Variants in SLC8A3 observed in about 807,000 individuals in gnomAD.
The protein encoded by SLC8A3 is sodium/calcium exchanger 3.
In SLC8A3, 37 loss-of-function variants were observed where a neutral mutation model predicts 65.4. The observed-to-expected ratio is 0.57, with a 90% CI of 0.44 to 0.74. The LOEUF (loss-of-function observed/expected upper bound fraction) is 0.74. Among genes scored for constraint, SLC8A3 ranks in the 30% least tolerant of loss-of-function variants. The probability of loss-of-function intolerance (pLI) is 0.00; values close to 1 mark genes in which losing one functional copy is unlikely to be tolerated. For missense variants in SLC8A3, 1,112 were observed against 1,172.1 expected, an observed-to-expected ratio of 0.95 and a Z score of 0.75; for synonymous variants, 461 against 444.5, an observed-to-expected ratio of 1.04 and a Z score of -0.47.
chr14:70,060,617 A>T (rs758872030), intron 3 of SLC8A3: 38 of 692,862 alleles, frequency 5.5e-5, no homozygotes, highest in Non-Finnish European at 9.4e-5. Context: ...GAATAAGCTA[A>T]GGCTAAGAAG....
intron 2 of SLC8A3, among the ~76,000 whole-genome samples, chr14:70,069,980 G>A (rs569972720): frequency 6.6e-6 from 1 of 152,240 alleles, no homozygotes; most frequent in South Asian, 2.1e-4. Context: ...TGGAGAAGTC[G>A]CTCTGACTCT....
intron 2 of SLC8A3, among the ~76,000 whole-genome samples, chr14:70,078,386 G>A (rs1284563435): frequency 6.6e-6 from 1 of 152,170 alleles, no homozygotes; most frequent in Non-Finnish European, 1.5e-5. Flanking sequence ...TTTGATATCA[G>A]CACTATTTGT....
intron 2 of SLC8A3, among the ~76,000 whole-genome samples, chr14:70,132,604 G>A (rs549221790): frequency 1.6e-4 from 25 of 152,146 alleles, no homozygotes; most frequent in Admixed American, 3.3e-4. Context: ...TGGATGAAAC[G>A]GGAAATCTTT....
intron 2 of SLC8A3, among the ~76,000 whole-genome samples, chr14:70,164,565 C>T (rs7142757): frequency 0.27 from 40,526 of 151,918 alleles, 6,028 homozygotes; most frequent in East Asian, 0.48. Flanking sequence ...AAACTGAAAA[C>T]GCAAATAAGT....
At chr14:70,079,745 T>G (rs1890879742) in intron 2 of SLC8A3, among the ~76,000 whole-genome samples, 2 of 152,126 alleles carry the variant, frequency 1.3e-5, no homozygotes, top group Admixed American at 6.6e-5. Flanking sequence ...GATAGAAGCC[T>G]TATATTTGGC....
intron 2 of SLC8A3, among the ~76,000 whole-genome samples, chr14:70,099,188 G>A (rs1040742220): frequency 2.0e-5 from 3 of 152,118 alleles, no homozygotes; most frequent in Non-Finnish European, 4.4e-5. Context: ...TGGTTAAAAA[G>A]CGGGGTCAGC....
intron 3 of SLC8A3, chr14:70,060,559 G>A (rs193221262): frequency 1.8e-6 from 1 of 561,254 alleles, no homozygotes; most frequent in African/African-American, 1.9e-5. Flanking sequence ...AGGGTAATGA[G>A]GAGTTGAGGC....
chr14:70,132,436 A>G (rs908109676), intron 2 of SLC8A3, among the ~76,000 whole-genome samples: 2 of 152,224 alleles, frequency 1.3e-5, no homozygotes, highest in African/African-American at 4.8e-5. Flanking sequence ...AAACCTGTTT[A>G]CCAAGCACAC....
intron 2 of SLC8A3, among the ~76,000 whole-genome samples, chr14:70,143,584 A>T (rs1209553997): frequency 6.6e-6 from 1 of 152,026 alleles, no homozygotes. Context: ...AATGAAATCC[A>T]ACTCTCTGGA....
intron 2 of SLC8A3, among the ~76,000 whole-genome samples, chr14:70,065,450 T>G (rs1157144891): frequency 6.6e-6 from 1 of 152,140 alleles, no homozygotes; most frequent in Non-Finnish European, 1.5e-5. Flanking sequence ...CCCGTGGCTC[T>G]TCAACTTGTG....
intron 2 of SLC8A3, among the ~76,000 whole-genome samples, chr14:70,111,448 G>A (rs1473561292): frequency 1.3e-5 from 2 of 152,214 alleles, no homozygotes; most frequent in African/African-American, 4.8e-5. Flanking sequence ...CAAGGGCCAT[G>A]TTGAATTTGA....
Position 70,050,522 on chromosome 14 carries a change from C to T in SLC8A3, c.2113+486G>A, listed in dbSNP as rs569405714. On this transcript the variant is annotated intron_variant, in intron 5 of 6. Transcript: ENST00000356921. ...ACTGAGGGAGCCTGTCAGTAAATGC[C>T]GAGGGAGGGGTATGGAATCATCCAG... Among the ~76,000 whole-genome samples, 106 of 152,168 alleles carry T rather than the reference C, an allele frequency of 7.0e-4. 2 individuals carry two copies. In the South Asian group the frequency reaches 0.014, roughly 19 times the overall value.
At chr14:70,127,786 C>T (rs534185261) in intron 2 of SLC8A3, among the ~76,000 whole-genome samples, 10 of 152,208 alleles carry the variant, frequency 6.6e-5, no homozygotes, top group African/African-American at 2.2e-4. Context: ...TGGTTTGTGC[C>T]CAGGTCTGAA....
rs78557896 is a variant in SLC8A3 at position 70,172,332 on chromosome 14, T to A, written c.-62-3848A>T. ...GGGAAACTGAGTCTTACCTAAGTCA[T>A]TTACTCAAAGTACAAAGGAAATAGT... On this transcript the variant is annotated intron_variant, in intron 1 of 6. Coordinates refer to ENST00000356921, the MANE Select transcript of SLC8A3 (RefSeq NM_182932.3). Among the ~76,000 whole-genome samples, 24 of 152,338 alleles carry A rather than the reference T, an allele frequency of 1.6e-4. No individual in the cohort carries two copies. In the East Asian group the frequency reaches 4.6e-3, roughly 29 times the overall value.
Position 70,162,027 on chromosome 14 carries a change from A to T in SLC8A3, c.1784+4612T>A, listed in dbSNP as rs563150994. Among the ~76,000 whole-genome samples the T allele has an allele frequency of 1.5e-4, 22 of 148,430 alleles. 1 individual carries two copies. The highest frequency in any genetic ancestry group is 4.7e-4 in the African/African-American group (19 of 40,318). ...CAATTCAGATAGAGAAAGACTTTTT[A>T]AAAAATTTCCGTGGGCTATTTTCCT... On this transcript the variant is annotated intron_variant, in intron 2 of 6. Coordinates refer to ENST00000356921, the MANE Select transcript of SLC8A3 (RefSeq NM_182932.3).
intron 2 of SLC8A3, among the ~76,000 whole-genome samples, chr14:70,085,204 T>C (rs1164169162): frequency 6.6e-6 from 1 of 152,180 alleles, no homozygotes; most frequent in Non-Finnish European, 1.5e-5. Context: ...GGAAATTTCT[T>C]CTGAGCACTG....
chr14:70,097,598 G>A (rs1336637874), intron 2 of SLC8A3, among the ~76,000 whole-genome samples: 1 of 152,160 alleles, frequency 6.6e-6, no homozygotes, highest in Admixed American at 6.5e-5. Context: ...CATAGAATTA[G>A]GGAAAATGAG....
chr14:70,165,745 T>C (rs540508386), intron 2 of SLC8A3, among the ~76,000 whole-genome samples: 10 of 152,214 alleles, frequency 6.6e-5, no homozygotes, highest in African/African-American at 2.2e-4. Context: ...GTAATAGAGG[T>C]GACAGAAGTG....
At chr14:70,145,290 C>A (rs1895857702) in intron 2 of SLC8A3, among the ~76,000 whole-genome samples, 1 of 152,192 alleles carries the variant, frequency 6.6e-6, no homozygotes, top group African/African-American at 2.4e-5. Flanking sequence ...AAATCCCTTA[C>A]ATATCAATTT....
Sources: allele counts gnomAD v4.1 joint callset (sites outside exome capture counted in the v4.1 genomes callset), GRCh38; gene constraint gnomAD v4.1.1; transcripts MANE v1.5; gene names NCBI Gene and HGNC (gene_info 2026-07-23, HGNC 2026-07-21).